Variants in NPY2R observed in about 807,000 individuals in gnomAD.
NPY2R encodes neuropeptide Y receptor type 2.
NPY2R carries 17 observed loss-of-function variants against 22.3 expected under a neutral mutation model. The observed-to-expected ratio is 0.76, with a 90% CI of 0.52 to 1.14. The LOEUF is 1.14. NPY2R is among the 50% of genes most tolerant of loss of function. NPY2R has a pLI of 0.00. For missense variants in NPY2R, 424 were observed against 467.9 expected, an observed-to-expected ratio of 0.91 and a Z score of 0.87; for synonymous variants, 209 against 183.4, an observed-to-expected ratio of 1.14 and a Z score of -1.13.
At chr4:155,195,157 A>C in the NPY2R span, among the ~76,000 whole-genome samples, 6 of 152,022 alleles carry the variant, frequency 3.9e-5, no homozygotes, top group Non-Finnish European at 8.8e-5. Flanking sequence ...CTGTATGAGC[A>C]ACAGGAAATA....
upstream of NPY2R, among the ~76,000 whole-genome samples, chr4:155,205,482 T>C (rs1445749767): frequency 6.6e-6 from 1 of 152,206 alleles, no homozygotes; most frequent in Non-Finnish European, 1.5e-5. Flanking sequence ...TCAATACTGA[T>C]ATTATTGAAC....
the NPY2R span, among the ~76,000 whole-genome samples, chr4:155,187,009 A>C: frequency 3.3e-5 from 5 of 152,162 alleles, no homozygotes; most frequent in Admixed American, 3.3e-4. Context: ...TGTCAGTCTT[A>C]TTATTCTCTA....
chr4:155,214,685 A>G lies in NPY2R; in HGVS notation c.746A>G (p.His249Arg), dbSNP rs773855298. 3 of 1,614,212 alleles carry G rather than the reference A, an allele frequency of 1.9e-6. No individual in the cohort carries two copies. The highest frequency in any genetic ancestry group is 1.1e-5 in the South Asian group (1 of 91,082). The change falls in exon 2 of 2, where the codon CAT becomes CGT. Residue 249 changes from histidine to arginine, a missense_variant. Transcript: ENST00000329476. ...YTRIWSKLKN[H>R]VSPGAANDHY... The stretch of plus-strand genomic sequence containing the variant: ...CGCATTTGGAGTAAATTGAAGAACC[A>G]TGTCAGTCCTGGAGCTGCAAATGAC...
At chr4:155,179,255 C>T in the NPY2R span, among the ~76,000 whole-genome samples, 2 of 114,534 alleles carry the variant, frequency 1.7e-5, no homozygotes, top group African/African-American at 3.7e-5. Context: ...TGTTATCTGA[C>T]ATTTCCTGGT....
upstream of NPY2R, chr4:155,208,290 T>G (rs992649362): frequency 2.0e-5 from 3 of 152,288 alleles, no homozygotes; most frequent in Non-Finnish European, 4.4e-5. This position sits in a 1 kb window ranked among gnomAD's most constrained non-coding sequence, Gnocchi z 5.6. Context: ...TGAGGTCTCC[T>G]TCGCTCGCCT....
chr4:155,210,674 G>T (rs1729385209), intron 1 of NPY2R, among the ~76,000 whole-genome samples: 1 of 152,062 alleles, frequency 6.6e-6, no homozygotes, highest in Admixed American at 6.6e-5. Flanking sequence ...AAAGAGGCTG[G>T]GGCTCCTTGG....
Position 155,215,376 on chromosome 4 carries a change from A to G in NPY2R, c.*291A>G, listed in dbSNP as rs1028402672. On this transcript the variant is annotated 3_prime_UTR_variant, in exon 2 of 2. Coordinates refer to ENST00000329476, the MANE Select transcript of NPY2R (RefSeq NM_000910.4). Reference sequence around the variant, plus strand: ...TGATTATTTTCCTGGAGTGAAGAAAACTTGAACAAGAAATTGGTATTATCA... The same window carrying G: ...TGATTATTTTCCTGGAGTGAAGAAAGCTTGAACAAGAAATTGGTATTATCA... The G allele has an allele frequency of 1.7e-5, 8 of 482,066 alleles. No homozygotes were observed. Among genetic ancestry groups the G allele is most frequent in the Non-Finnish European group, 2.7e-5 (7 of 254,864 alleles). 29.9% of individuals were successfully genotyped at this position (482,066 alleles called of 1,614,324 possible).
the NPY2R span, among the ~76,000 whole-genome samples, chr4:155,180,002 T>C: frequency 9.0e-6 from 1 of 111,462 alleles, no homozygotes; most frequent in Non-Finnish European, 1.7e-5. Context: ...GTTTTTTCTA[T>C]ATTTTATTTT....
Position 155,213,960 on chromosome 4 carries a change from G to A in NPY2R, c.21G>A (p.Glu7=). Residue 7 remains glutamate (E), a synonymous_variant, in exon 2 of 2, where the codon GAG becomes GAA. Coordinates refer to ENST00000329476, the MANE Select transcript of NPY2R (RefSeq NM_000910.4). ...TGAAAATGGGTCCAATAGGTGCAGAGGCTGATGAGAACCAGACAGTGGAAG... is the reference window on the plus strand; with the variant it reads ...TGAAAATGGGTCCAATAGGTGCAGAAGCTGATGAGAACCAGACAGTGGAAG... The part of the protein sequence containing the change: MGPIGA[E]ADENQTVEEM... The A allele has an allele frequency of 6.2e-7, 1 of 1,614,050 alleles. No individual in the cohort carries two copies.
the NPY2R span, among the ~76,000 whole-genome samples, chr4:155,181,216 A>C: frequency 1.3e-5 from 2 of 152,142 alleles, no homozygotes; most frequent in Admixed American, 6.6e-5. Flanking sequence ...ATAGTGAGGA[A>C]CTGCCCTGAT....
intron 1 of NPY2R, 39 bp from the exon 2 acceptor site, chr4:155,213,850 TTTG>T (rs1295957369): frequency 8.3e-6 from 9 of 1,087,288 alleles, no homozygotes; most frequent in South Asian, 5.1e-5. Context: ...TCCATTGGTT[TTTG>T]TTGTTGTTGT....
At chr4:155,183,857 A>G in the NPY2R span, among the ~76,000 whole-genome samples, 2 of 152,202 alleles carry the variant, frequency 1.3e-5, no homozygotes, top group Non-Finnish European at 2.9e-5. Context: ...CCTGCAAAAC[A>G]CTATACCCTC....
chr4:155,182,989 C>T, the NPY2R span, among the ~76,000 whole-genome samples: 1 of 152,060 alleles, frequency 6.6e-6, no homozygotes, highest in Non-Finnish European at 1.5e-5. Context: ...GATGGGGTTT[C>T]ACCATGTTGG....
chr4:155,204,638 G>T (rs769830523), upstream of NPY2R, among the ~76,000 whole-genome samples: 22 of 151,868 alleles, frequency 1.4e-4, no homozygotes, highest in Non-Finnish European at 2.1e-4. Context: ...TTTATGACTA[G>T]GCAACCATTA....
the NPY2R span, among the ~76,000 whole-genome samples, chr4:155,199,963 T>C: frequency 1.3e-5 from 2 of 152,258 alleles, no homozygotes; most frequent in East Asian, 3.9e-4. Flanking sequence ...AAAGACTTCC[T>C]GACGACAACA....
the NPY2R span, among the ~76,000 whole-genome samples, chr4:155,176,754 G>A: frequency 6.1e-4 from 93 of 152,008 alleles, no homozygotes; most frequent in Admixed American, 2.2e-3. Flanking sequence ...CAGTGGTGAC[G>A]GCTACAAAGT....
the NPY2R span, among the ~76,000 whole-genome samples, chr4:155,189,329 C>T: frequency 1.2e-4 from 19 of 152,020 alleles, no homozygotes; most frequent in Non-Finnish European, 2.8e-4. Flanking sequence ...CTATATGGAG[C>T]CAGTCCCCTG....
chr4:155,196,837 G>T, the NPY2R span, among the ~76,000 whole-genome samples: 83 of 151,966 alleles, frequency 5.5e-4, no homozygotes, highest in Middle Eastern at 3.4e-3. Context: ...TCTAATGTGG[G>T]CCTTCAGTTC....
chr4:155,209,127 C>G (rs966418446), intron 1 of NPY2R, 58 bp downstream of exon 1: 4 of 152,206 alleles, frequency 2.6e-5, no homozygotes, highest in Non-Finnish European at 5.9e-5. Flanking sequence ...CCTAGAGGAG[C>G]GCTCGGTTCC....
Sources: allele counts gnomAD v4.1 joint callset (sites outside exome capture counted in the v4.1 genomes callset), GRCh38; gene constraint gnomAD v4.1.1; non-coding constraint Gnocchi (gnomAD v3.1); transcripts MANE v1.5; gene names NCBI Gene and HGNC (gene_info 2026-07-23, HGNC 2026-07-21).